The following AK7 variants were observed in gnomAD, a reference collection of about 807,000 sequenced individuals.
AK7 encodes ATP-AMP transphosphorylase 7.
A neutral mutation model predicts 96.6 loss-of-function variants in AK7; 78 were observed. The observed-to-expected ratio is 0.81, with a 90% CI of 0.67 to 0.97. The LOEUF is 0.97. Ranked by LOEUF, AK7 falls within the 50% of genes least tolerant of loss-of-function variation. The probability of loss-of-function intolerance (pLI) is 0.00; values close to 1 mark genes in which losing one functional copy is unlikely to be tolerated. For synonymous variants in AK7, 302 were observed against 317.2 expected, an observed-to-expected ratio of 0.95 and a Z score of 0.51; for missense variants, 855 against 887.9, an observed-to-expected ratio of 0.96 and a Z score of 0.47.
intron 5 of AK7, among the ~76,000 whole-genome samples, chr14:96,437,617 C>G (rs1892710716): frequency 6.6e-6 from 1 of 152,064 alleles, no homozygotes; most frequent in South Asian, 2.1e-4. Context: ...AATTAGGAGT[C>G]CTTGTTAAAT....
chr14:96,465,903 G>A (rs755674946), intron 12 of AK7, among the ~76,000 whole-genome samples: 1 of 151,434 alleles, frequency 6.6e-6, no homozygotes, highest in South Asian at 2.1e-4. Flanking sequence ...CCAACTACTC[G>A]GGGGACTGAG....
chr14:96,395,369 C>T (rs1329965391), intron 1 of AK7, among the ~76,000 whole-genome samples: 1 of 152,158 alleles, frequency 6.6e-6, no homozygotes, highest in Admixed American at 6.5e-5. Context: ...TAAAGGTCTT[C>T]ATCCTCTTTG....
chr14:96,397,470 A>T (rs1233406344), intron 1 of AK7, among the ~76,000 whole-genome samples: 1 of 152,170 alleles, frequency 6.6e-6, no homozygotes, highest in African/African-American at 2.4e-5. Context: ...GCTGGTGTCG[A>T]GCTCCTGACC....
At chr14:96,469,445 A>C (rs1055094239) in intron 12 of AK7, among the ~76,000 whole-genome samples, 3 of 152,136 alleles carry the variant, frequency 2.0e-5, no homozygotes, top group South Asian at 4.2e-4. Flanking sequence ...GAATCTCTTG[A>C]ACCCAGGAGA....
At chr14:96,443,641 A>G (rs902079827) in intron 7 of AK7, among the ~76,000 whole-genome samples, 2 of 152,172 alleles carry the variant, frequency 1.3e-5, no homozygotes, top group Non-Finnish European at 2.9e-5. Flanking sequence ...TTCTTAAAGA[A>G]GGATCCTATG....
At chr14:96,427,223 C>T (rs1260705021) in intron 5 of AK7, among the ~76,000 whole-genome samples, 2 of 152,044 alleles carry the variant, frequency 1.3e-5, no homozygotes, top group African/African-American at 4.8e-5. Context: ...CCAGCCTGGG[C>T]AACAAGAGCG....
intron 15 of AK7, among the ~76,000 whole-genome samples, chr14:96,480,862 G>T (rs1005015007): frequency 1.3e-5 from 2 of 152,216 alleles, no homozygotes; most frequent in Admixed American, 1.3e-4. Flanking sequence ...TGTATCCTAA[G>T]GATGGGAGAT....
intron 6 of AK7, among the ~76,000 whole-genome samples, chr14:96,441,641 T>TC (rs1892963348): frequency 6.0e-5 from 1 of 16,596 alleles, no homozygotes; most frequent in Non-Finnish European, 1.2e-4. Flanking sequence ...AGACTCCGTC[T>TC]CAAAAAAAAA....
intron 7 of AK7, among the ~76,000 whole-genome samples, chr14:96,444,215 G>T (rs929665082): frequency 1.3e-5 from 2 of 152,222 alleles, no homozygotes; most frequent in South Asian, 4.1e-4. Context: ...ACAAAACCCT[G>T]GATCTGCTCC....
chr14:96,462,779 GCTAT>G (rs147627321), intron 12 of AK7, among the ~76,000 whole-genome samples: 1,910 of 152,186 alleles, frequency 0.013, 30 homozygotes, highest in African/African-American at 0.021. Context: ...TTGGCTTGCA[GCTAT>G]CTAATTTTTT....
chr14:96,412,239 T>TG (rs1891077218), intron 4 of AK7, among the ~76,000 whole-genome samples: 2 of 149,784 alleles, frequency 1.3e-5, no homozygotes, highest in African/African-American at 4.9e-5. Context: ...TTTTTTTTTT[T>TG]TTTTTTGAGA....
At chr14:96,424,124 C>T (rs376411119) in intron 5 of AK7, 1 of 647,618 alleles carries the variant, frequency 1.5e-6, no homozygotes, top group African/African-American at 1.8e-5. Context: ...TCCACCGCCA[C>T]CCCGTGCAGG....
chr14:96,487,180 C>G lies in AK7; in HGVS notation c.2133+124C>G, dbSNP rs533524859. 697 of 947,734 alleles carry G rather than the reference C, an allele frequency of 7.4e-4. 14 individuals carry two copies. In the South Asian group the frequency reaches 9.6e-3, roughly 13 times the overall value. The allele number at this position is 947,734 out of a possible 1,614,324, so 58.7% of individuals were successfully genotyped here. A position where few individuals can be genotyped will look rare whatever the true frequency, so the allele number is the denominator to read the frequency against. On this transcript the variant is annotated intron_variant, in intron 17 of 17. Coordinates refer to ENST00000267584, the MANE Select transcript of AK7 (RefSeq NM_152327.5). ...ACTTGTGGTCAGGAGTTAGAGACCACCCTGCCAACATAGTGAAACCCCGTC... is the reference window on the plus strand; with the variant it reads ...ACTTGTGGTCAGGAGTTAGAGACCAGCCTGCCAACATAGTGAAACCCCGTC...
chr14:96,414,442 C>T (rs1257917785), intron 4 of AK7, among the ~76,000 whole-genome samples: 1 of 152,218 alleles, frequency 6.6e-6, no homozygotes, highest in Non-Finnish European at 1.5e-5. Flanking sequence ...AGGAGACTCC[C>T]AGGAAGGGCT....
In AK7 at chr14:96,477,689, T is replaced by C. The variant is rs565371897; in HGVS notation, c.1556-776T>C. 2.0e-5 allele frequency among the ~76,000 whole-genome samples: 3 copies of C among 152,322 alleles called. No homozygotes were observed. In the East Asian group the frequency reaches 5.8e-4, roughly 29 times the overall value. ...AAAATGGTCATCATTATTAACATGA[T>C]CTGTGTGTTGAATTTGATAAGTGCT... On this transcript the variant is annotated intron_variant, in intron 14 of 17. Transcript: ENST00000267584.
chr14:96,464,482 G>T (rs967888112), intron 12 of AK7, among the ~76,000 whole-genome samples: 1 of 149,732 alleles, frequency 6.7e-6, no homozygotes, highest in South Asian at 2.1e-4. Flanking sequence ...CCTTGAGTCC[G>T]GGAGGTCAAG....
In AK7 at chr14:96,431,590, G is replaced by A. The variant is rs184336612; in HGVS notation, c.610-6245G>A. ...TTTTGAGTGAGTTTCTTAACCCTGCGTTTTCATTTGATTGCACTGTGGTCT... is the reference window on the plus strand; with the variant it reads ...TTTTGAGTGAGTTTCTTAACCCTGCATTTTCATTTGATTGCACTGTGGTCT... On this transcript the variant is annotated intron_variant, in intron 5 of 17. Coordinates refer to ENST00000267584, the MANE Select transcript of AK7 (RefSeq NM_152327.5). Among the ~76,000 whole-genome samples, 111 of 152,256 alleles carry A rather than the reference G, an allele frequency of 7.3e-4. 1 individual carries two copies. Among genetic ancestry groups the A allele is most frequent in the Admixed American group, 4.1e-3 (63 of 15,292 alleles).
chr14:96,449,509 C>T (rs779842043), intron 8 of AK7, among the ~76,000 whole-genome samples: 8 of 152,246 alleles, frequency 5.3e-5, no homozygotes, highest in Non-Finnish European at 7.3e-5. Context: ...TCTCAACTCA[C>T]TGCAACCTCT....
rs201523819 is a variant in AK7, at chr14:96,483,049, A to T, written c.1804A>T (p.Ile602Phe). 66 of 1,614,056 alleles carry T rather than the reference A, an allele frequency of 4.1e-5. No individual in the cohort carries two copies. Among genetic ancestry groups the T allele is most frequent in the Non-Finnish European group, 3.4e-6 (4 of 1,180,008 alleles). Residue 602 changes from isoleucine to phenylalanine, a missense_variant, in exon 16 of 18, where the codon ATC (isoleucine) becomes TTC (phenylalanine). Ile to Phe is a conservative substitution (Grantham distance 21, BLOSUM62 0). Coordinates refer to ENST00000267584, the MANE Select transcript of AK7 (RefSeq NM_152327.5). The stretch of plus-strand genomic sequence containing the variant: ...GAATAGACTTGCTATCAAACAGCTC[A>T]TCAAAGAGATTGGGGAGCCTCGAAA... Reference protein sequence around the residue: ...AQNRLAIKQLIKEIGEPRNYG... With the variant: ...AQNRLAIKQLFKEIGEPRNYG...
Sources: gnomAD v4.1 joint callset for allele counts (sites outside exome capture counted in the v4.1 genomes callset) on GRCh38, gnomAD v4.1.1 for gene constraint, MANE v1.5 for transcripts, NCBI Gene and HGNC (gene_info 2026-07-23, HGNC 2026-07-21) for gene names.